The following UBE2E3 variants were observed in gnomAD, a reference collection of about 807,000 sequenced individuals.
UBE2E3 encodes ubiquitin conjugating enzyme E2 E3, also known as ubiquitin-conjugating enzyme E2 E3.
A neutral mutation model predicts 23.6 loss-of-function variants in UBE2E3; 5 were observed. That is an observed-to-expected ratio of 0.21 (90% CI 0.11 to 0.44). The LOEUF (loss-of-function observed/expected upper bound fraction) is 0.44, where lower values mean the gene tolerates loss of function less well. Ranked by LOEUF, UBE2E3 falls within the 20% of genes least tolerant of loss-of-function variation. The pLI, the probability that UBE2E3 is intolerant of heterozygous loss-of-function variation, is 0.99. For synonymous variants in UBE2E3, 78 were observed against 87.5 expected, an observed-to-expected ratio of 0.89 and a Z score of 0.60; for missense variants, 81 against 249.8, an observed-to-expected ratio of 0.32 and a Z score of 4.55.
chr2:181,058,709 A>T (rs1327236316), intron 4 of UBE2E3, among the ~76,000 whole-genome samples: 4 of 140,912 alleles, frequency 2.8e-5, no homozygotes, highest in African/African-American at 5.0e-5. Context: ...ACCATTTAAA[A>T]TTTATGTAGC....
At chr2:180,984,749 C>T (rs765026384) in intron 3 of UBE2E3, among the ~76,000 whole-genome samples, 1 of 152,044 alleles carries the variant, frequency 6.6e-6, no homozygotes, top group Non-Finnish European at 1.5e-5. Flanking sequence ...TAGTGGAACT[C>T]AGGTAGATGA....
chr2:181,061,855 G>C (rs1366503031), intron 5 of UBE2E3, among the ~76,000 whole-genome samples: 3 of 150,476 alleles, frequency 2.0e-5, no homozygotes, highest in Non-Finnish European at 4.4e-5. Flanking sequence ...CCTTATGCTC[G>C]GCAGAGATAC....
chr2:180,998,304 A>C (rs970640368), intron 3 of UBE2E3, among the ~76,000 whole-genome samples: 2 of 152,138 alleles, frequency 1.3e-5, no homozygotes, highest in Non-Finnish European at 2.9e-5. Flanking sequence ...ATAATCAACA[A>C]TTACCCAAAG....
chr2:181,014,379 G>T (rs1685425260), intron 3 of UBE2E3, among the ~76,000 whole-genome samples: 1 of 152,148 alleles, frequency 6.6e-6, no homozygotes, highest in Admixed American at 6.6e-5. Context: ...GAGTATTTTA[G>T]GTGTATAGAT....
chr2:181,044,286 T>C (rs1297257342), intron 3 of UBE2E3, among the ~76,000 whole-genome samples: 1 of 152,144 alleles, frequency 6.6e-6, no homozygotes, highest in Non-Finnish European at 1.5e-5. Flanking sequence ...GTGCAAAATA[T>C]ACAGTGCTAC....
At chr2:181,037,504 C>T (rs541973902) in intron 3 of UBE2E3, among the ~76,000 whole-genome samples, 44 of 151,978 alleles carry the variant, frequency 2.9e-4, no homozygotes, top group African/African-American at 1.1e-3. Flanking sequence ...ATGTTTGTGT[C>T]TTAGTTTTTA....
At chr2:181,044,174 A>G (rs1686602753) in intron 3 of UBE2E3, among the ~76,000 whole-genome samples, 1 of 152,086 alleles carries the variant, frequency 6.6e-6, no homozygotes, top group Non-Finnish European at 1.5e-5. Flanking sequence ...GGTCTTTGGT[A>G]GGGCCAGGTT....
intron 3 of UBE2E3, among the ~76,000 whole-genome samples, chr2:181,033,515 A>C: frequency 6.6e-6 from 1 of 152,116 alleles, no homozygotes; most frequent in East Asian, 1.9e-4. Flanking sequence ...CTTACACCTT[A>C]TACAAAAATT....
intron 3 of UBE2E3, among the ~76,000 whole-genome samples, chr2:181,051,913 G>T (rs1396739380): frequency 6.6e-6 from 1 of 151,754 alleles, no homozygotes; most frequent in Admixed American, 6.6e-5. Flanking sequence ...CTAAAATTTT[G>T]TATCTGTTTT....
At chr2:180,985,367 A>G (rs927523270) in intron 3 of UBE2E3, among the ~76,000 whole-genome samples, 1 of 152,122 alleles carries the variant, frequency 6.6e-6, no homozygotes, top group Non-Finnish European at 1.5e-5. Flanking sequence ...GGTAAAATTT[A>G]TACACATTGG....
chr2:181,041,325 G>T (rs376401200), intron 3 of UBE2E3, among the ~76,000 whole-genome samples: 1 of 151,194 alleles, frequency 6.6e-6, no homozygotes, highest in Admixed American at 6.6e-5. Context: ...TCTCCTCATA[G>T]GGGCATTGAA....
intron 3 of UBE2E3, among the ~76,000 whole-genome samples, chr2:180,992,046 A>G (rs759992376): frequency 6.6e-5 from 10 of 152,156 alleles, no homozygotes; most frequent in Admixed American, 1.3e-4. Flanking sequence ...TCATGATGAA[A>G]GGGTATTTTC....
chr2:180,998,905 CT>C lies in UBE2E3; in HGVS notation c.245+14818del, dbSNP rs370331757. The stretch of plus-strand genomic sequence containing the variant: ...ATTAACTAGGTTGTTTGTAAAATAA[CT>C]TTTTTCAATTTATACTTTTTAATGT... On this transcript the variant is annotated intron_variant, in intron 3 of 5. Transcript: ENST00000410062. Among the ~76,000 whole-genome samples the C allele has an allele frequency of 4.8e-4, 73 of 152,196 alleles. 1 individual carries two copies. In the South Asian group the frequency reaches 0.015, roughly 31 times the overall value.
chr2:181,025,117 A>G (rs1685842845), intron 3 of UBE2E3, among the ~76,000 whole-genome samples: 1 of 151,984 alleles, frequency 6.6e-6, no homozygotes, highest in South Asian at 2.1e-4. Flanking sequence ...GAAGTAAAAA[A>G]TACCAAATAA....
intron 3 of UBE2E3, among the ~76,000 whole-genome samples, chr2:180,993,542 G>A (rs1684734573): frequency 6.6e-6 from 1 of 152,060 alleles, no homozygotes; most frequent in African/African-American, 2.4e-5. Context: ...CATGAATTTT[G>A]TTACCTTTTT....
chr2:181,010,413 C>T (rs1014718121), intron 3 of UBE2E3, among the ~76,000 whole-genome samples: 5 of 151,998 alleles, frequency 3.3e-5, no homozygotes, highest in African/African-American at 7.3e-5. Flanking sequence ...GTGTACAAGT[C>T]GCGCTCTTAT....
chr2:181,018,436 C>G (rs558882823), intron 3 of UBE2E3, among the ~76,000 whole-genome samples: 2 of 151,846 alleles, frequency 1.3e-5, no homozygotes, highest in South Asian at 2.1e-4. Flanking sequence ...ATATATTTGG[C>G]CTAGGATTGT....
chr2:181,041,087 A>C (rs993217328), intron 3 of UBE2E3, among the ~76,000 whole-genome samples: 1 of 151,950 alleles, frequency 6.6e-6, no homozygotes, highest in Non-Finnish European at 1.5e-5. Flanking sequence ...GTCTCTACCA[A>C]AAATAAAAAA....
rs1270791472 is a variant in UBE2E3 at position 181,018,201 on chromosome 2, T to C, written c.245+34108T>C. Among the ~76,000 whole-genome samples, 8 of 152,306 alleles carry C rather than the reference T, an allele frequency of 5.3e-5. No individual in the cohort carries two copies. In the East Asian group the frequency reaches 9.6e-4, roughly 18 times the overall value. On this transcript the variant is annotated intron_variant, in intron 3 of 5. Coordinates refer to ENST00000410062, the MANE Select transcript of UBE2E3 (RefSeq NM_006357.4). ...ATGTATAATAAAAACAGTTATACTCTAGTAGCAATTTATGCCAATAAAATA... is the reference window on the plus strand; with the variant it reads ...ATGTATAATAAAAACAGTTATACTCCAGTAGCAATTTATGCCAATAAAATA...
Sources: allele counts gnomAD v4.1 joint callset (sites outside exome capture counted in the v4.1 genomes callset), GRCh38; gene constraint gnomAD v4.1.1; transcripts MANE v1.5; gene names NCBI Gene and HGNC (gene_info 2026-07-23, HGNC 2026-07-21).